CHD1L: variants seen among roughly 807,000 people sequenced by gnomAD.
CHD1L encodes chromodomain helicase DNA binding protein 1 like, also known as ATP-dependent chromatin remodeler CHD1L.
A neutral mutation model predicts 115.9 loss-of-function variants in CHD1L; 118 were observed. The observed-to-expected ratio is 1.02, with a 90% CI of 0.88 to 1.19. CHD1L has a LOEUF of 1.19. CHD1L is among the 50% of genes most tolerant of loss of function. CHD1L has a pLI of 0.00. For synonymous variants in CHD1L, 411 were observed against 387.1 expected (o/e 1.06, Z -0.72); for missense variants, 1,179 against 1,065.3 (o/e 1.11, Z -1.49).
chr1:147,251,177 T>C (rs1273123736), intron 1 of CHD1L, among the ~76,000 whole-genome samples: 5 of 152,216 alleles, frequency 3.3e-5, no homozygotes, highest in Admixed American at 6.5e-5. Flanking sequence ...GGTGTTCTTA[T>C]TTGTTTTGGT....
chr1:147,262,281 G>A (rs1559775154), intron 6 of CHD1L, among the ~76,000 whole-genome samples: 1 of 151,942 alleles, frequency 6.6e-6, no homozygotes, highest in African/African-American at 2.4e-5. Context: ...TTCATGCAGT[G>A]CATTTGCAAA....
the CHD1L span, chr1:147,201,309 G>A: frequency 3.2e-4 from 514 of 1,614,094 alleles, no homozygotes; most frequent in African/African-American, 7.3e-4. Context: ...CCACTTTGAC[G>A]GAATCTTCCA....
At chr1:147,222,136 G>A in the CHD1L span, among the ~76,000 whole-genome samples, 1 of 152,184 alleles carries the variant, frequency 6.6e-6, no homozygotes, top group African/African-American at 2.4e-5. Flanking sequence ...TTGGGAGGCC[G>A]AGGTGAGCAG....
rs587595601 is a variant in CHD1L, at chr1:147,243,781, T to A, written c.127+951T>A. 3.0e-4 allele frequency among the ~76,000 whole-genome samples: 45 copies of A among 151,050 alleles called. 1 individual carries two copies. In the South Asian group the frequency reaches 9.3e-3, roughly 31 times the overall value. On this transcript the variant is annotated intron_variant, in intron 1 of 22. Coordinates refer to ENST00000369258, the MANE Select transcript of CHD1L (RefSeq NM_004284.6). ...TGGCTACAAAGATGAGCAAAACAAA[T>A]AGGGACCCTTCCTACCTAGAGTTTT...
At chr1:147,235,419 G>T in the CHD1L span, among the ~76,000 whole-genome samples, 3 of 152,132 alleles carry the variant, frequency 2.0e-5, no homozygotes, top group East Asian at 1.9e-4. Flanking sequence ...TTATAGGATA[G>T]CTACTATTAT....
Sources: gnomAD v4.1 joint callset for allele counts (sites outside exome capture counted in the v4.1 genomes callset) on GRCh38, gnomAD v4.1.1 for gene constraint, MANE v1.5 for transcripts, NCBI Gene and HGNC (gene_info 2026-07-23, HGNC 2026-07-21) for gene names.